ADAMTSL1: variants seen among roughly 807,000 people sequenced by gnomAD.
ADAMTSL1 encodes ADAMTS like 1.
A neutral mutation model predicts 201.8 loss-of-function variants in ADAMTSL1; 126 were observed. The observed-to-expected ratio is 0.62, with a 90% confidence interval of 0.54 to 0.72. The LOEUF is 0.72. ADAMTSL1 is among the 30% of genes least tolerant of loss of function. The pLI is 0.00. For missense variants in ADAMTSL1, 2,679 were observed against 2,277.8 expected (o/e 1.18, Z -3.59); for synonymous variants, 1,121 against 903.4 (o/e 1.24, Z -4.32).
intron 2 of ADAMTSL1, among the ~76,000 whole-genome samples, chr9:18,520,782 A>G (rs549776096): frequency 6.6e-6 from 1 of 152,170 alleles, no homozygotes; most frequent in African/African-American, 2.4e-5. Context: ...TTATCAAGTC[A>G]TCATAATTGT....
At chr9:18,510,290 G>T (rs184345215) in intron 2 of ADAMTSL1, among the ~76,000 whole-genome samples, 8 of 152,276 alleles carry the variant, frequency 5.3e-5, no homozygotes, top group Admixed American at 2.0e-4. Context: ...GATGGACCGG[G>T]AGCTTGTGAG....
At chr9:18,135,573 A>T (rs941840375) in intron 1 of ADAMTSL1, among the ~76,000 whole-genome samples, 1 of 152,082 alleles carries the variant, frequency 6.6e-6, no homozygotes, top group Non-Finnish European at 1.5e-5. Context: ...AGATGGGAGA[A>T]CTGCTGAGCC....
At chr9:18,384,811 G>A (rs888406829) in intron 2 of ADAMTSL1, among the ~76,000 whole-genome samples, 1 of 152,082 alleles carries the variant, frequency 6.6e-6, no homozygotes, top group Non-Finnish European at 1.5e-5. Flanking sequence ...ATGTTGTTGT[G>A]CTTAATGAGC....
At chr9:18,015,606 A>G (rs999886894) in intron 1 of ADAMTSL1, among the ~76,000 whole-genome samples, 2 of 151,966 alleles carry the variant, frequency 1.3e-5, no homozygotes, top group Non-Finnish European at 2.9e-5. Flanking sequence ...TATTCTTCCC[A>G]TTTTACAGTT....
At chr9:18,335,932 T>C (rs1351045356) in intron 2 of ADAMTSL1, among the ~76,000 whole-genome samples, 3 of 152,110 alleles carry the variant, frequency 2.0e-5, no homozygotes, top group African/African-American at 7.2e-5. Context: ...TTAATATCTA[T>C]AGGAAGGGCT....
At chr9:17,919,696 A>G (rs1826232071) in intron 1 of ADAMTSL1, among the ~76,000 whole-genome samples, 1 of 152,150 alleles carries the variant, frequency 6.6e-6, no homozygotes, top group Non-Finnish European at 1.5e-5. Context: ...TATGAATATA[A>G]CACATTTTGT....
chr9:18,811,702 G>GA (rs1187200133), intron 20 of ADAMTSL1, among the ~76,000 whole-genome samples: 2 of 152,120 alleles, frequency 1.3e-5, no homozygotes, highest in African/African-American at 4.8e-5. Context: ...TAGACATCAT[G>GA]AAAAAACCCA....
intron 1 of ADAMTSL1, among the ~76,000 whole-genome samples, chr9:18,016,032 T>C (rs1197367018): frequency 1.3e-5 from 2 of 152,086 alleles, no homozygotes; most frequent in South Asian, 2.1e-4. Flanking sequence ...GAGCCTTGTA[T>C]GCCAGGTAAC....
intron 21 of ADAMTSL1, among the ~76,000 whole-genome samples, chr9:18,825,764 T>G (rs1219034366): frequency 4.6e-5 from 7 of 150,892 alleles, no homozygotes; most frequent in African/African-American, 1.7e-4. Context: ...TAGATTAATG[T>G]TACCAGGTTT....
intron 1 of ADAMTSL1, among the ~76,000 whole-genome samples, chr9:18,032,765 TA>T (rs922355703): frequency 1.3e-5 from 2 of 152,226 alleles, no homozygotes; most frequent in African/African-American, 4.8e-5. Flanking sequence ...GGGGTTGTGG[TA>T]TCTCTTGTGG....
Position 18,124,077 on chromosome 9 carries a change from G to GTTTTT in ADAMTSL1, c.88-39766_88-39762dup, listed in dbSNP as rs1157492042. On this transcript the variant is annotated intron_variant, in intron 1 of 29. Transcript: ENST00000680146. Reference sequence around the variant, plus strand: ...TATCTTTTTATGTGCTTATTTGCCAGTTTTTTTTTTTTTTTTTTTTTTTGA... The same window carrying GTTTTT: ...TATCTTTTTATGTGCTTATTTGCCAGTTTTTTTTTTTTTTTTTTTTTTTTTTTTGA... 3.0e-3 allele frequency among the ~76,000 whole-genome samples: 210 copies of GTTTTT among 70,814 alleles called. 7 individuals carry two copies. The highest frequency in any genetic ancestry group is 8.6e-3 in the African/African-American group (143 of 16,608). The allele number at this position is 70,814 out of a possible 152,430, so 46.5% of individuals were successfully genotyped here.
intron 15 of ADAMTSL1, among the ~76,000 whole-genome samples, chr9:18,726,938 C>T (rs1817931788): frequency 1.3e-5 from 2 of 152,170 alleles, no homozygotes; most frequent in South Asian, 4.1e-4. Flanking sequence ...TAGGATGGTT[C>T]TTAGAACCAG....
At chr9:18,865,781 GA>G (rs1195455000) in intron 23 of ADAMTSL1, among the ~76,000 whole-genome samples, 2 of 152,110 alleles carry the variant, frequency 1.3e-5, no homozygotes, top group African/African-American at 4.8e-5. Context: ...ACTCTCATTA[GA>G]AAGCAGCCTT....
intron 14 of ADAMTSL1, chr9:18,717,923 T>C (rs1833056673): frequency 2.5e-6 from 3 of 1,217,990 alleles, no homozygotes; most frequent in Non-Finnish European, 3.7e-6. Context: ...ACTATTGAAT[T>C]GGACAACAGT....
chr9:18,022,401 A>C (rs1433202184), intron 1 of ADAMTSL1, among the ~76,000 whole-genome samples: 1 of 152,114 alleles, frequency 6.6e-6, no homozygotes, highest in East Asian at 1.9e-4. Flanking sequence ...TGGACACCCC[A>C]CACTATCTTT....
intron 1 of ADAMTSL1, among the ~76,000 whole-genome samples, chr9:17,993,839 C>T (rs1301864292): frequency 6.6e-6 from 1 of 152,098 alleles, no homozygotes; most frequent in Non-Finnish European, 1.5e-5. Context: ...ACATCCATCT[C>T]TTGTGGGATT....
At chr9:18,145,818 T>C (rs987844876) in intron 1 of ADAMTSL1, among the ~76,000 whole-genome samples, 1 of 152,122 alleles carries the variant, frequency 6.6e-6, no homozygotes, top group East Asian at 1.9e-4. Flanking sequence ...GACAAGCCCA[T>C]AGAATGGGAG....
intron 1 of ADAMTSL1, among the ~76,000 whole-genome samples, chr9:17,941,080 A>G (rs900131574): frequency 6.6e-6 from 1 of 152,002 alleles, no homozygotes; most frequent in Non-Finnish European, 1.5e-5. Flanking sequence ...GACCTTTTAG[A>G]GAGAGAACAG....
At chr9:18,316,667 C>T (rs2132828838) in intron 2 of ADAMTSL1, among the ~76,000 whole-genome samples, 1 of 152,194 alleles carries the variant, frequency 6.6e-6, no homozygotes, top group South Asian at 2.1e-4. Flanking sequence ...CTCAAACACA[C>T]ATGCTGTACA....
Sources: gnomAD v4.1 joint callset for allele counts (sites outside exome capture counted in the v4.1 genomes callset) on GRCh38, gnomAD v4.1.1 for gene constraint, MANE v1.5 for transcripts, NCBI Gene and HGNC (gene_info 2026-07-23, HGNC 2026-07-21) for gene names.